The following SORCS1 variants were observed in gnomAD, a reference collection of about 807,000 sequenced individuals.
SORCS1 encodes VPS10 domain-containing receptor SorCS1.
In SORCS1, 60 loss-of-function variants were observed where a neutral mutation model predicts 146.1. The observed-to-expected ratio is 0.41, with a 90% CI of 0.33 to 0.51. SORCS1 has a LOEUF of 0.51. Among genes scored for constraint, SORCS1 ranks in the 20% least tolerant of loss-of-function variants. SORCS1 has a pLI of 0.21. For missense variants in SORCS1, 1,352 were observed against 1,487.6 expected, an observed-to-expected ratio of 0.91 and a Z score of 1.50; for synonymous variants, 637 against 584.0, an observed-to-expected ratio of 1.09 and a Z score of -1.31.
At chr10:106,663,412 G>C (rs2135395598) in intron 17 of SORCS1, among the ~76,000 whole-genome samples, 1 of 152,302 alleles carries the variant, frequency 6.6e-6, no homozygotes, top group South Asian at 2.1e-4. Context: ...GATCACAGTT[G>C]TGTGGGGAAA....
intron 1 of SORCS1, among the ~76,000 whole-genome samples, chr10:107,081,414 C>T (rs1301427387): frequency 6.6e-6 from 1 of 152,194 alleles, no homozygotes; most frequent in Admixed American, 6.5e-5. Context: ...ATGTCTATCA[C>T]TATACTAAAC....
chr10:106,859,451 C>T (rs934664839), intron 2 of SORCS1, among the ~76,000 whole-genome samples: 16 of 152,026 alleles, frequency 1.1e-4, no homozygotes, highest in South Asian at 2.1e-4. Context: ...TGGAGTGTGG[C>T]GGCGCGATGT....
At chr10:107,044,634 C>T (rs1242965837) in intron 1 of SORCS1, among the ~76,000 whole-genome samples, 1 of 150,554 alleles carries the variant, frequency 6.6e-6, no homozygotes, top group Non-Finnish European at 1.5e-5. Context: ...CCAGCCTGGC[C>T]AATATGGTGA....
chr10:106,769,125 G>A (rs1357230542), intron 4 of SORCS1, among the ~76,000 whole-genome samples: 1 of 152,114 alleles, frequency 6.6e-6, no homozygotes, highest in Non-Finnish European at 1.5e-5. Flanking sequence ...TATTTCCCAG[G>A]GAATGTCTGC....
chr10:106,725,378 C>T (rs1042439751), intron 6 of SORCS1, among the ~76,000 whole-genome samples: 2 of 151,486 alleles, frequency 1.3e-5, no homozygotes, highest in South Asian at 4.2e-4. Flanking sequence ...AGTGAAACCC[C>T]ATCTCTGCTA....
chr10:106,658,428 T>C (rs1850471083), intron 17 of SORCS1, among the ~76,000 whole-genome samples: 1 of 152,152 alleles, frequency 6.6e-6, no homozygotes, highest in Non-Finnish European at 1.5e-5. Context: ...GGTCTTCTTG[T>C]ACCCCAGGGG....
chr10:106,611,505 T>C (rs557880661), intron 22 of SORCS1, among the ~76,000 whole-genome samples: 1 of 152,366 alleles, frequency 6.6e-6, no homozygotes, highest in South Asian at 2.1e-4. Flanking sequence ...CCACTCTTAC[T>C]AATTGTAGTC....
intron 1 of SORCS1, among the ~76,000 whole-genome samples, chr10:106,971,875 T>C (rs928084036): frequency 1.3e-5 from 2 of 152,142 alleles, no homozygotes; most frequent in African/African-American, 2.4e-5. Context: ...TTTTCAGCTA[T>C]TTCCTCTGAG....
In SORCS1 at chr10:106,671,344, T is replaced by G; in HGVS notation, c.2082A>C (p.Ala694=). 6.2e-7 allele frequency: 1 copy of G among 1,614,152 alleles called. No individual in the cohort carries two copies. Among genetic ancestry groups the G allele is most frequent in the Non-Finnish European group, 8.5e-7 (1 of 1,180,000 alleles). The change falls in exon 16 of 26, where the codon GCA becomes GCC. Residue 694 remains alanine, a synonymous_variant. Coordinates refer to ENST00000263054, the MANE Select transcript of SORCS1 (RefSeq NM_052918.5). ...HSQGEACIMG[A]KRIYKKRKSE... is the part of the protein sequence containing the mutation. ...ATTTTCGCTTCTTATATATCCTTTT[T>G]GCTCCCATGATACATGCTTCCCCCT...
chr10:107,034,331 G>C (rs922096555), intron 1 of SORCS1, among the ~76,000 whole-genome samples: 1 of 152,026 alleles, frequency 6.6e-6, no homozygotes, highest in African/African-American at 2.4e-5. Flanking sequence ...GGAAGTGTGC[G>C]TGAGAGGCAT....
At chr10:107,100,070 C>T (rs1040694022) in intron 1 of SORCS1, among the ~76,000 whole-genome samples, 4 of 152,216 alleles carry the variant, frequency 2.6e-5, no homozygotes, top group South Asian at 4.1e-4. Context: ...CATAAACCAT[C>T]ATGCTAACTA....
At chr10:106,741,406 C>T (rs944741278) in intron 5 of SORCS1, among the ~76,000 whole-genome samples, 2 of 152,078 alleles carry the variant, frequency 1.3e-5, no homozygotes, top group African/African-American at 4.8e-5. Context: ...GAAGACCAGC[C>T]TAGCCAACAT....
At chr10:106,844,785 T>C (rs1286593734) in intron 2 of SORCS1, among the ~76,000 whole-genome samples, 1 of 131,050 alleles carries the variant, frequency 7.6e-6, no homozygotes, top group African/African-American at 2.9e-5. Flanking sequence ...CCTGTGTCCA[T>C]GTGATCTCAT....
At chr10:107,021,504 A>T (rs1455045052) in intron 1 of SORCS1, among the ~76,000 whole-genome samples, 1 of 107,924 alleles carries the variant, frequency 9.3e-6, no homozygotes, top group Non-Finnish European at 1.8e-5. Context: ...ACAGAGCGAC[A>T]CTCCGTCTCA....
At chr10:106,879,106 C>T (rs2137692818) in intron 2 of SORCS1, among the ~76,000 whole-genome samples, 1 of 150,272 alleles carries the variant, frequency 6.7e-6, no homozygotes, top group East Asian at 2.0e-4. Flanking sequence ...GCCAAGATGG[C>T]ACCACTGCAC....
At chr10:107,069,397 C>A (rs117433390) in intron 1 of SORCS1, among the ~76,000 whole-genome samples, 1 of 151,292 alleles carries the variant, frequency 6.6e-6, no homozygotes, top group African/African-American at 2.4e-5. Flanking sequence ...TTTTTTTAGA[C>A]GGAGTTTCAC....
chr10:107,179,412 C>G, the SORCS1 span, among the ~76,000 whole-genome samples: 4 of 152,054 alleles, frequency 2.6e-5, no homozygotes, highest in African/African-American at 9.7e-5. Flanking sequence ...TCCTAGAAAC[C>G]GTTAATTTGT....
intron 1 of SORCS1, among the ~76,000 whole-genome samples, chr10:107,138,197 C>A (rs1025820684): frequency 6.6e-6 from 1 of 152,010 alleles, no homozygotes; most frequent in African/African-American, 2.4e-5. Context: ...ATCTCTCCAC[C>A]CCTTAAATCC....
intron 17 of SORCS1, among the ~76,000 whole-genome samples, chr10:106,655,186 T>G (rs1443979583): frequency 6.6e-6 from 1 of 152,106 alleles, no homozygotes; most frequent in Non-Finnish European, 1.5e-5. Context: ...AAAAATCCTT[T>G]GTAGTTGCTT....
Sources: gnomAD v4.1 joint callset for allele counts (sites outside exome capture counted in the v4.1 genomes callset) on GRCh38, gnomAD v4.1.1 for gene constraint, MANE v1.5 for transcripts, NCBI Gene and HGNC (gene_info 2026-07-23, HGNC 2026-07-21) for gene names.